PCDH11X: variants seen among roughly 807,000 people sequenced by gnomAD.
PCDH11X encodes protocadherin-11 X-linked.
In PCDH11X, 18 loss-of-function variants were observed where a neutral mutation model predicts 53.3. That is an observed-to-expected ratio of 0.34 (90% confidence interval 0.23 to 0.50). PCDH11X has a LOEUF of 0.50. Among genes scored for constraint, PCDH11X ranks in the 20% least tolerant of loss-of-function variants. PCDH11X has a pLI of 0.98. For synonymous variants in PCDH11X, 279 were observed against 393.3 expected, an observed-to-expected ratio of 0.71 and a Z score of 3.44; for missense variants, 570 against 1,032.4, an observed-to-expected ratio of 0.55 and a Z score of 6.14.
chrX:92,104,829 C>T (rs1206565813), intron 6 of PCDH11X, among the ~76,000 whole-genome samples: 19 of 108,762 alleles, frequency 1.7e-4, no homozygotes, highest in African/African-American at 3.0e-4. Context: ...GAGATTGGGG[C>T]GTGGAAATAA....
intron 9 of PCDH11X, among the ~76,000 whole-genome samples, chrX:92,443,518 C>A (rs1469562194): frequency 1.8e-5 from 2 of 110,885 alleles, no homozygotes; most frequent in African/African-American, 6.6e-5. Context: ...TGCAGAAGAT[C>A]TTTAGTTTAA....
At chrX:91,965,428 T>A in intron 6 of PCDH11X, among the ~76,000 whole-genome samples, 1 of 110,547 alleles carries the variant, frequency 9.0e-6, no homozygotes, top group East Asian at 2.8e-4. Context: ...TTTTCCTTTT[T>A]ATTCACAGCC....
At chrX:92,255,174 G>C (rs1334554388) in intron 7 of PCDH11X, among the ~76,000 whole-genome samples, 1 of 107,344 alleles carries the variant, frequency 9.3e-6, no homozygotes, top group Non-Finnish European at 1.9e-5. Context: ...TTCCCTTCTC[G>C]CTTCATTTCA....
At chrX:92,293,778 C>G (rs192439627) in intron 8 of PCDH11X, among the ~76,000 whole-genome samples, 145 of 108,883 alleles carry the variant, frequency 1.3e-3, no homozygotes, top group Admixed American at 6.6e-3. Flanking sequence ...AAATACCTAA[C>G]TAGTACTTCT....
chrX:92,407,819 G>C (rs781018652), intron 9 of PCDH11X, among the ~76,000 whole-genome samples: 2 of 110,656 alleles, frequency 1.8e-5, no homozygotes, highest in African/African-American at 6.6e-5. Flanking sequence ...GTGTGTATGA[G>C]GTTACTCTTC....
intron 8 of PCDH11X, among the ~76,000 whole-genome samples, chrX:92,373,966 G>T (rs1482825335): frequency 1.8e-5 from 2 of 110,325 alleles, no homozygotes; most frequent in East Asian, 2.8e-4. Context: ...ATTTTGCACC[G>T]CAACTCCTGT....
intron 6 of PCDH11X, among the ~76,000 whole-genome samples, chrX:92,192,081 T>G (rs1008515515): frequency 1.8e-5 from 2 of 111,364 alleles, no homozygotes; most frequent in African/African-American, 6.5e-5. Flanking sequence ...TTGATATGAG[T>G]CATAATTTTT....
chrX:91,900,238 C>T (rs1202376628), intron 6 of PCDH11X, among the ~76,000 whole-genome samples: 1 of 110,395 alleles, frequency 9.1e-6, no homozygotes, highest in Non-Finnish European at 1.9e-5. Context: ...TAGGAGGAGC[C>T]CAGAGTGGCC....
At chrX:92,152,759 GTATGTA>G (rs2065458248) in intron 6 of PCDH11X, among the ~76,000 whole-genome samples, 1 of 30,132 alleles carries the variant, frequency 3.3e-5, no homozygotes, top group Admixed American at 2.9e-4. Flanking sequence ...TTTTATGTAT[GTATGTA>G]TGTATGTATG....
intron 6 of PCDH11X, among the ~76,000 whole-genome samples, chrX:92,134,181 C>T (rs1265073983): frequency 9.0e-6 from 1 of 111,605 alleles, no homozygotes; most frequent in Non-Finnish European, 1.9e-5. Context: ...ATGCATTTGT[C>T]TCACATGAGC....
In PCDH11X at chrX:92,580,255, A is replaced by G. The variant is rs149835906; in HGVS notation, c.3368-38009A>G. ...GGACTCACTCAACAAAGTACCCTGGATGCCCCTTGGCCGAGTAGGTGTTCT... is the reference window on the plus strand; with the variant it reads ...GGACTCACTCAACAAAGTACCCTGGGTGCCCCTTGGCCGAGTAGGTGTTCT... On this transcript the variant is annotated intron_variant, in intron 10 of 10. Coordinates refer to ENST00000682573, the MANE Select transcript of PCDH11X (RefSeq NM_032968.5). Among the ~76,000 whole-genome samples, 303 of 108,163 alleles carry G rather than the reference A, an allele frequency of 2.8e-3. 4 individuals are homozygous for G. Among genetic ancestry groups the G allele is most frequent in the East Asian group, 0.028 (96 of 3,486 alleles). 93.9% of individuals were successfully genotyped at this position (108,163 alleles called of 115,157 possible). A position where few individuals can be genotyped will look rare whatever the true frequency, so the allele number is the denominator to read the frequency against.
At chrX:92,223,654 C>A (rs1197884987) in intron 7 of PCDH11X, among the ~76,000 whole-genome samples, 7 of 111,957 alleles carry the variant, frequency 6.3e-5, no homozygotes, top group Admixed American at 5.7e-4. Flanking sequence ...AATGTTGCGA[C>A]TGACTCACTA....
chrX:92,580,984 G>C (rs1383634954), intron 10 of PCDH11X, among the ~76,000 whole-genome samples: 1 of 110,121 alleles, frequency 9.1e-6, no homozygotes, highest in Admixed American at 9.7e-5. Context: ...GGATACTTCA[G>C]TTGAAGGTGC....
intron 6 of PCDH11X, among the ~76,000 whole-genome samples, chrX:92,116,415 G>A (rs1194402643): frequency 8.9e-6 from 1 of 111,954 alleles, no homozygotes; most frequent in East Asian, 2.8e-4. Flanking sequence ...TTTTCAGATT[G>A]ATCCAATACA....
chrX:91,911,351 A>C (rs1307831871), intron 6 of PCDH11X, among the ~76,000 whole-genome samples: 1 of 110,353 alleles, frequency 9.1e-6, no homozygotes, highest in Non-Finnish European at 1.9e-5. Context: ...AAGTGTGTAT[A>C]ATTATAGGCT....
chrX:92,048,225 A>G (rs2063319347), intron 6 of PCDH11X, among the ~76,000 whole-genome samples: 1 of 96,586 alleles, frequency 1.0e-5, no homozygotes, highest in Non-Finnish European at 2.0e-5. Flanking sequence ...CTATTGATAT[A>G]AAGCTTTTCT....
intron 10 of PCDH11X, among the ~76,000 whole-genome samples, chrX:92,588,949 C>G (rs1311962045): frequency 3.6e-5 from 4 of 110,684 alleles, no homozygotes; most frequent in Non-Finnish European, 5.7e-5. Context: ...CAACGGAGCT[C>G]AAATACATCT....
chrX:92,280,655 C>G, intron 8 of PCDH11X, among the ~76,000 whole-genome samples: 1 of 110,317 alleles, frequency 9.1e-6, no homozygotes, highest in Non-Finnish European at 1.9e-5. Context: ...AGAATTATGT[C>G]CCAAATTAAA....
At chrX:92,077,208 C>T (rs2063786045) in intron 6 of PCDH11X, among the ~76,000 whole-genome samples, 1 of 110,026 alleles carries the variant, frequency 9.1e-6, no homozygotes, top group Non-Finnish European at 1.9e-5. Flanking sequence ...CCCACAATCA[C>T]AGTAAACTTT....
Sources: allele counts gnomAD v4.1 joint callset (sites outside exome capture counted in the v4.1 genomes callset), GRCh38; gene constraint gnomAD v4.1.1; transcripts MANE v1.5; gene names NCBI Gene and HGNC (gene_info 2026-07-23, HGNC 2026-07-21).